The following POLR1C variants were observed in gnomAD, a reference collection of about 807,000 sequenced individuals.
The protein encoded by POLR1C is RNA polymerase I and III subunit C.
A neutral mutation model predicts 38.3 loss-of-function variants in POLR1C; 42 were observed. The observed-to-expected ratio is 1.10, with a 90% CI of 0.86 to 1.42. The LOEUF is 1.42. POLR1C is among the 40% of genes most tolerant of loss of function. POLR1C has a pLI of 0.00. For synonymous variants in POLR1C, 163 were observed against 163.9 expected, an observed-to-expected ratio of 0.99 and a Z score of 0.04; for missense variants, 507 against 450.5, an observed-to-expected ratio of 1.13 and a Z score of -1.14.
intron 2 of POLR1C, among the ~76,000 whole-genome samples, chr6:43,518,616 C>T (rs1322384726): frequency 2.0e-5 from 3 of 152,040 alleles, no homozygotes; most frequent in Admixed American, 6.6e-5. Flanking sequence ...GGGTGGAAGT[C>T]GATCATCAGA....
At chr6:43,517,275 C>T (rs1416076427) in intron 1 of POLR1C, 31 bp from the exon 2 acceptor site, 4 of 1,607,986 alleles carry the variant, frequency 2.5e-6, no homozygotes, top group East Asian at 2.2e-5. Flanking sequence ...CTCACTGTCC[C>T]TTCGTGGACA....
At chr6:43,528,769 A>C (rs1003072850) in intron 8 of POLR1C, 2 of 1,518,066 alleles carry the variant, frequency 1.3e-6, no homozygotes, top group Non-Finnish European at 1.8e-6. Flanking sequence ...TGCAAAGCTC[A>C]GAAATGGCCA....
At chr6:43,523,676 T>G (rs760274802), downstream of POLR1C, 2 of 906,252 alleles carry the variant, frequency 2.2e-6, no homozygotes, top group Admixed American at 1.7e-5. Flanking sequence ...CCTAACTCCC[T>G]TTCTTGATAC....
At chr6:43,524,115 G>C, downstream of POLR1C, 1 of 1,452,828 alleles carries the variant, frequency 6.9e-7, no homozygotes, top group Middle Eastern at 2.2e-4. Context: ...CTTTTGGGAG[G>C]CCAAGGCGGG....
Position 43,521,202 on chromosome 6 carries a change from G to A in POLR1C, c.943G>A (p.Val315Met), listed in dbSNP as rs762136709. The A allele has an allele frequency of 5.0e-6, 8 of 1,614,006 alleles. No homozygotes were observed. Among genetic ancestry groups the A allele is most frequent in the African/African-American group, 1.3e-5 (1 of 74,926 alleles). The change falls in exon 9 of 9, where the codon GTG (valine) becomes ATG (methionine). Residue 315 changes from valine to methionine, a missense_variant. Physicochemically the swap from Val to Met is conservative, Grantham distance 21. Transcript: ENST00000642195. ...HYIFSVESTG[V>M]LPPDVLVSEA... ...CCCAGTCTCTGTTGAGTCAACGGGGGTGTTGCCACCAGATGTGCTGGTGAG... is the reference window on the plus strand; with the variant it reads ...CCCAGTCTCTGTTGAGTCAACGGGGATGTTGCCACCAGATGTGCTGGTGAG...
intron 8 of POLR1C, among the ~76,000 whole-genome samples, chr6:43,528,376 T>C (rs1489872112): frequency 6.6e-6 from 1 of 152,190 alleles, no homozygotes; most frequent in Admixed American, 6.5e-5. Context: ...CTATGGTTTC[T>C]GTAACCTATC....
Position 43,521,306 on chromosome 6 carries a change from G to A in POLR1C, c.*6G>A. 1 of 1,612,116 alleles carries A rather than the reference G, an allele frequency of 6.2e-7. No individual in the cohort carries two copies. On this transcript the variant is annotated 3_prime_UTR_variant, in exon 9 of 9. Coordinates refer to ENST00000642195, the MANE Select transcript of POLR1C (RefSeq NM_203290.4). ...ATGCGGTTCAGATGGACTGAGCTTGGATGCTTCTGAGGCAAGCTGAAGCTT... is the reference window on the plus strand; with the variant it reads ...ATGCGGTTCAGATGGACTGAGCTTGAATGCTTCTGAGGCAAGCTGAAGCTT...
chr6:43,560,115 A>C, intron 10 of POLR1C: 2 of 1,558,300 alleles, frequency 1.3e-6, no homozygotes, highest in South Asian at 2.4e-5. Context: ...CACCGCACCC[A>C]GCCTCAAAGT....
chr6:43,520,459 G>C, intron 6 of POLR1C, 32 bp downstream of exon 6: 1 of 1,612,270 alleles, frequency 6.2e-7, no homozygotes, highest in East Asian at 2.2e-5. Context: ...CTGGGAAGGG[G>C]GATAGTTCGG....
At chr6:43,545,504 C>T (rs1034646737) in intron 9 of POLR1C, among the ~76,000 whole-genome samples, 2 of 151,942 alleles carry the variant, frequency 1.3e-5, no homozygotes, top group African/African-American at 4.8e-5. Context: ...GCCAGGAGTT[C>T]GAGACCAGCC....
At chr6:43,543,419 C>T (rs1794800495) in intron 9 of POLR1C, among the ~76,000 whole-genome samples, 1 of 152,084 alleles carries the variant, frequency 6.6e-6, no homozygotes, top group African/African-American at 2.4e-5. Context: ...CAACACTGCA[C>T]CCCAACCTGG....
At position 43,557,186 on chromosome 6, in the gene POLR1C, G is replaced by T. The variant is rs185101723; in HGVS notation, c.*49-4214G>T. ...TTACGCCTGTAATCCTAGTACTTTG[G>T]GAAGCCGAGGCGGGTGGATCACGAG... On this transcript the variant is annotated intron_variant, in intron 10 of 10. Coordinates refer to the POLR1C transcript ENST00000607635. Among the ~76,000 whole-genome samples the T allele has an allele frequency of 3.3e-5, 5 of 149,438 alleles. No homozygotes were observed. In the Admixed American group the frequency reaches 3.4e-4, roughly 10 times the overall value.
intron 3 of POLR1C, 75 bp downstream of exon 3, chr6:43,519,515 T>A: frequency 1.5e-6 from 2 of 1,346,926 alleles, no homozygotes; most frequent in Non-Finnish European, 2.1e-6. Context: ...GAATTAAGTG[T>A]CTCAAGCTGT....
chr6:43,520,874 T>C (rs1283133391), intron 7 of POLR1C, 58 bp from the exon 8 acceptor site: 15 of 1,601,186 alleles, frequency 9.4e-6, no homozygotes, highest in African/African-American at 1.3e-5. Context: ...ATAACCTGGT[T>C]TGCTACCAAG....
At chr6:43,560,334 G>A (rs777868290) in intron 10 of POLR1C, 3 of 1,567,294 alleles carry the variant, frequency 1.9e-6, no homozygotes, top group Admixed American at 2.0e-5. Flanking sequence ...AAACGTCAAA[G>A]GATTTGGATT....
rs924840714 is a variant in POLR1C, at chr6:43,555,746, T to C, written c.*48+4735T>C. On this transcript the variant is annotated intron_variant, in intron 10 of 10. Coordinates refer to the POLR1C transcript ENST00000607635. ...TTTGAATAGTATAAGTATATCGTTC[T>C]GATGTGTGTATAGCTCAGGCTCATT... 8 of 1,520,916 alleles carry C rather than the reference T, an allele frequency of 5.3e-6. No individual in the cohort carries two copies. The African/African-American group carries it at 1.1e-4, about 21-fold the overall frequency. The allele number at this position is 1,520,916 out of a possible 1,614,324, so 94.2% of individuals were successfully genotyped here.
Position 43,520,916 on chromosome 6 carries a change from G to T in POLR1C, c.806-16G>T, listed in dbSNP as rs1191804928. ...ATTAGAAAAAGGAATAAAAAAACAT[G>T]GTTTGTTCTCATTAGGTAAAAAGGT... On this transcript the variant is annotated splice_polypyrimidine_tract_variant and intron_variant, in intron 7 of 8. Coordinates refer to ENST00000642195, the MANE Select transcript of POLR1C (RefSeq NM_203290.4). The T allele has an allele frequency of 1.9e-6, 3 of 1,611,524 alleles. No individual in the cohort carries two copies. The highest frequency in any genetic ancestry group is 2.5e-6 in the Non-Finnish European group (3 of 1,177,726).
chr6:43,517,420 G>C, intron 2 of POLR1C, 43 bp downstream of exon 2: 1 of 1,547,374 alleles, frequency 6.5e-7, no homozygotes, highest in East Asian at 2.2e-5. Flanking sequence ...ATGAAGGCCA[G>C]ACCTTGTGGT....
chr6:43,523,535 C>T (rs560375911), downstream of POLR1C: 3 of 482,276 alleles, frequency 6.2e-6, no homozygotes, highest in African/African-American at 3.9e-5. Context: ...CCATTCTGTA[C>T]AGGTATGTGG....
Sources: gnomAD v4.1 joint callset for allele counts (sites outside exome capture counted in the v4.1 genomes callset) on GRCh38, gnomAD v4.1.1 for gene constraint, MANE v1.5 for transcripts, NCBI Gene and HGNC (gene_info 2026-07-23, HGNC 2026-07-21) for gene names.